The following NECAB2 variants were observed in gnomAD, a reference collection of about 807,000 sequenced individuals.
NECAB2 encodes the protein N-terminal EF-hand calcium binding protein 2.
Under a neutral mutation model 51.9 loss-of-function variants are expected in NECAB2, and 68 were observed. The ratio of observed to expected loss-of-function variants is 1.31; its 90% confidence interval spans 1.08 to 1.60. NECAB2 has a LOEUF of 1.60. Among genes scored for constraint, NECAB2 ranks in the 40% most tolerant of loss-of-function variants. The pLI, the probability that NECAB2 is intolerant of heterozygous loss-of-function variation, is 0.00. For missense variants in NECAB2, 854 were observed against 490.3 expected (o/e 1.74, Z -7.00); for synonymous variants, 329 against 203.5 (o/e 1.62, Z -5.25).
At position 83,990,647 on chromosome 16, in the gene NECAB2, C is replaced by A; in HGVS notation, c.596+17C>A. On this transcript the variant is annotated intron_variant, in intron 6 of 12. Coordinates refer to ENST00000305202, the MANE Select transcript of NECAB2 (RefSeq NM_019065.3). The stretch of plus-strand genomic sequence containing the variant: ...CCAGCTCCGGTGAGTCTCTGAGACC[C>A]TGCAGGGTCCCATGGGGGTATGCCG... 1 of 1,613,714 alleles carries A rather than the reference C, an allele frequency of 6.2e-7. No individual in the cohort carries two copies. Among genetic ancestry groups the A allele is most frequent in the East Asian group, 2.2e-5 (1 of 44,832 alleles).
intron 1 of NECAB2, chr16:83,971,858 A>C (rs1265154872): frequency 3.7e-5 from 21 of 567,582 alleles, no homozygotes; most frequent in South Asian, 1.5e-4. Flanking sequence ...CTGTGGACCT[A>C]CACCTGCAGG....
At chr16:83,975,746 A>G (rs1233849215) in intron 2 of NECAB2, among the ~76,000 whole-genome samples, 1 of 152,082 alleles carries the variant, frequency 6.6e-6, no homozygotes, top group African/African-American at 2.4e-5. Flanking sequence ...GGACGCTGAC[A>G]GGCTGACAGG....
At chr16:84,000,891 G>A (rs1344897269) in intron 11 of NECAB2, 90 bp downstream of exon 11, 9 of 1,285,622 alleles carry the variant, frequency 7.0e-6, no homozygotes, top group Non-Finnish European at 1.0e-5. Flanking sequence ...GGAGGGGAGG[G>A]TAAGGCCGAG....
intron 9 of NECAB2, 72 bp from the exon 10 acceptor site, chr16:83,998,132 TG>T: frequency 7.4e-7 from 1 of 1,356,234 alleles, no homozygotes; most frequent in Non-Finnish European, 1.0e-6. Context: ...AGGGAGGTCA[TG>T]GGGGCCTGAT....
rs1430712138 is a variant in NECAB2, at chr16:84,002,770, G to A, written c.*424G>A. ...CCCAGGCGCCAAATAAACCCTGGTT[G>A]GGAAGAGCTGTGTGCTCTGTGTCTG... On this transcript the variant is annotated 3_prime_UTR_variant, in exon 13 of 13. Coordinates refer to ENST00000305202, the MANE Select transcript of NECAB2 (RefSeq NM_019065.3). 4.7e-6 allele frequency: 1 copy of A among 212,138 alleles called. No homozygotes were observed. Among genetic ancestry groups the A allele is most frequent in the Non-Finnish European group, 9.7e-6 (1 of 103,360 alleles). 13.1% of individuals were successfully genotyped at this position (212,138 alleles called of 1,614,324 possible).
At chr16:83,999,834 A>C (rs1000238534) in intron 10 of NECAB2, among the ~76,000 whole-genome samples, 4 of 152,034 alleles carry the variant, frequency 2.6e-5, no homozygotes, top group African/African-American at 9.7e-5. Flanking sequence ...TGAGAGGACA[A>C]GTAGAAGGAA....
Position 83,997,197 on chromosome 16 carries a change from G to T in NECAB2, c.796-19G>T, listed in dbSNP as rs757280343. The stretch of plus-strand genomic sequence containing the variant: ...GTGGGGCTCTGGGTCTAGCATCACT[G>T]TGTGCTGGATTGTTTCAGGCACTGT... On this transcript the variant is annotated intron_variant, in intron 8 of 12. Transcript: ENST00000305202. 1.9e-6 allele frequency: 3 copies of T among 1,614,060 alleles called. No homozygotes were observed. The highest frequency in any genetic ancestry group is 2.2e-5 in the South Asian group (2 of 91,086).
intron 5 of NECAB2, 85 bp from the exon 6 acceptor site, chr16:83,990,409 C>T: frequency 3.9e-6 from 6 of 1,530,972 alleles, no homozygotes; most frequent in Non-Finnish European, 5.4e-6. Flanking sequence ...CCAGCACCAG[C>T]TTTCCCCCAA....
chr16:83,999,202 A>C lies in NECAB2; in HGVS notation c.962+885A>C, dbSNP rs74032360. On this transcript the variant is annotated intron_variant, in intron 10 of 12. Transcript: ENST00000305202. ...GCACGAGGGGAGGAGTAGCCTGGGCAGGAGTGCGGCCGTTCCCGAGACTCG... is the reference window on the plus strand; with the variant it reads ...GCACGAGGGGAGGAGTAGCCTGGGCCGGAGTGCGGCCGTTCCCGAGACTCG... Among the ~76,000 whole-genome samples, 1,199 of 152,330 alleles carry C rather than the reference A, an allele frequency of 7.9e-3. 13 individuals are homozygous for C. The highest frequency in any genetic ancestry group is 0.028 in the African/African-American group (1,149 of 41,574).
intron 5 of NECAB2, among the ~76,000 whole-genome samples, chr16:83,986,674 G>A (rs868115457): frequency 7.0e-6 from 1 of 143,352 alleles, no homozygotes; most frequent in East Asian, 2.0e-4. Flanking sequence ...CACCACTCAC[G>A]GCAAATTTTT....
In NECAB2 at chr16:83,968,639, G is replaced by A. The variant is rs1162109585; in HGVS notation, c.-10G>A. On this transcript the variant is annotated 5_prime_UTR_variant, in exon 1 of 13. Coordinates refer to ENST00000305202, the MANE Select transcript of NECAB2 (RefSeq NM_019065.3). Reference sequence around the variant, plus strand: ...GCGGGCTTCCGGGCGGCGGCGGCGGGCGCGGCGCGATGTGCGAGCGGGCGG... The same window carrying A: ...GCGGGCTTCCGGGCGGCGGCGGCGGACGCGGCGCGATGTGCGAGCGGGCGG... 1.5e-5 allele frequency: 15 copies of A among 979,646 alleles called. No homozygotes were observed. The highest frequency in any genetic ancestry group is 5.3e-5 in the African/African-American group (3 of 56,386). The allele number at this position is 979,646 out of a possible 1,614,324, so 60.7% of individuals were successfully genotyped here.
rs753515854 is a variant in NECAB2, at chr16:84,000,704, C to T, written c.963-20C>T. ...TTGGTTGAGCTCCAGCCTCCTCCCC[C>T]CGACCATCTCCTGTTGCAGCATCAC... is the stretch of plus-strand genomic sequence containing the variant. On this transcript the variant is annotated intron_variant, in intron 10 of 12. Coordinates refer to ENST00000305202, the MANE Select transcript of NECAB2 (RefSeq NM_019065.3). 1 of 1,613,142 alleles carries T rather than the reference C, an allele frequency of 6.2e-7. No individual in the cohort carries two copies. Among genetic ancestry groups the T allele is most frequent in the South Asian group, 1.1e-5 (1 of 91,046 alleles).
At chr16:83,998,929 G>A (rs1031626937) in intron 10 of NECAB2, among the ~76,000 whole-genome samples, 1 of 152,276 alleles carries the variant, frequency 6.6e-6, no homozygotes, top group African/African-American at 2.4e-5. Context: ...AGAGTGGAGG[G>A]GGTTGCAGAA....
intron 2 of NECAB2, among the ~76,000 whole-genome samples, chr16:83,976,213 C>A (rs1367042032): frequency 6.6e-6 from 1 of 152,174 alleles, no homozygotes; most frequent in African/African-American, 2.4e-5. Flanking sequence ...CCAGCACCCA[C>A]CCCCTGCTGG....
rs1555548091 is a variant in NECAB2 at position 83,992,381 on chromosome 16, C to CCT, written c.596+1752_596+1753insTC. 1.2e-3 allele frequency among the ~76,000 whole-genome samples: 176 copies of CCT among 145,188 alleles called. 3 individuals carry two copies. Among genetic ancestry groups the CCT allele is most frequent in the African/African-American group, 4.3e-3 (157 of 36,482 alleles). On this transcript the variant is annotated intron_variant, in intron 6 of 12. Transcript: ENST00000305202. ...CCCGGGGAACACGAGCACCCGTCCC[C>CCT]CCGCCCACCTCCATTTGCTGTTTCA...
At chr16:83,995,798 C>T (rs1243866129) in intron 8 of NECAB2, among the ~76,000 whole-genome samples, 2 of 152,172 alleles carry the variant, frequency 1.3e-5, no homozygotes, top group East Asian at 1.9e-4. Context: ...CTCAAACTTC[C>T]CCTCCTGCAG....
chr16:83,980,211 C>G (rs2084467858), intron 3 of NECAB2, among the ~76,000 whole-genome samples: 1 of 152,216 alleles, frequency 6.6e-6, no homozygotes, highest in African/African-American at 2.4e-5. Context: ...CCCAGAGGGC[C>G]TCAGCTTATC....
chr16:83,972,078 T>C, intron 1 of NECAB2, 73 bp from the exon 2 acceptor site: 1 of 1,590,380 alleles, frequency 6.3e-7, no homozygotes, highest in Non-Finnish European at 8.6e-7. Flanking sequence ...AGGATCCCAG[T>C]ATCCGGTCAG....
At position 84,002,721 on chromosome 16, in the gene NECAB2, CCTAGCCAGGTAGCCACCACTGTGCCCAGG is replaced by C; in HGVS notation, c.*377_*405del. On this transcript the variant is annotated 3_prime_UTR_variant, in exon 13 of 13. Transcript: ENST00000305202. Reference sequence around the variant, plus strand: ...GGAGTCATGCCCCTGTAGTGCCCAACCTAGCCAGGTAGCCACCACTGTGCCCAGGCGCCAAATAAACCCTGGTTGGGAAG... The same window carrying C: ...GGAGTCATGCCCCTGTAGTGCCCAACCGCCAAATAAACCCTGGTTGGGAAG... The C allele has an allele frequency of 4.2e-6, 1 of 239,008 alleles. No homozygotes were observed. The highest frequency in any genetic ancestry group is 4.7e-5 in the Admixed American group (1 of 21,086). The allele number at this position is 239,008 out of a possible 1,614,324, so 14.8% of individuals were successfully genotyped here. A position where few individuals can be genotyped will look rare whatever the true frequency, so the allele number is the denominator to read the frequency against.
Sources: gnomAD v4.1 joint callset for allele counts (sites outside exome capture counted in the v4.1 genomes callset) on GRCh38, gnomAD v4.1.1 for gene constraint, MANE v1.5 for transcripts, NCBI Gene and HGNC (gene_info 2026-07-23, HGNC 2026-07-21) for gene names.